Variants in MIGA1 observed in about 807,000 individuals in gnomAD.
MIGA1 encodes the protein mitoguardin 1, also known as family with sequence similarity 73, member A.
A neutral mutation model predicts 82.0 loss-of-function variants in MIGA1; 58 were observed. The observed-to-expected ratio is 0.71, with a 90% CI of 0.57 to 0.88. MIGA1 has a LOEUF of 0.88. MIGA1 is among the 40% of genes least tolerant of loss of function. MIGA1 has a pLI of 0.00. For synonymous variants in MIGA1, 249 were observed against 253.6 expected (o/e 0.98, Z 0.17); for missense variants, 751 against 749.1 (o/e 1.00, Z -0.03).
chr1:77,822,520 GAA>G (rs1179837904), intron 7 of MIGA1, among the ~76,000 whole-genome samples: 1 of 151,926 alleles, frequency 6.6e-6, no homozygotes, highest in Non-Finnish European at 1.5e-5. Flanking sequence ...GAATTTTTTT[GAA>G]AAAGAGGCTG....
intron 5 of MIGA1, among the ~76,000 whole-genome samples, chr1:77,812,111 T>A (rs538699536): frequency 6.6e-6 from 1 of 151,962 alleles, no homozygotes; most frequent in African/African-American, 2.4e-5. Flanking sequence ...CCCAGGAGTT[T>A]GAGACCAGCC....
chr1:77,790,359 C>T (rs1004590750), intron 2 of MIGA1, among the ~76,000 whole-genome samples: 6 of 152,300 alleles, frequency 3.9e-5, no homozygotes, highest in East Asian at 1.9e-4. Flanking sequence ...CTCCGCCTCC[C>T]GGGTTCAAGT....
chr1:77,855,694 C>G (rs928794368), intron 8 of MIGA1, among the ~76,000 whole-genome samples: 1 of 149,718 alleles, frequency 6.7e-6, no homozygotes, highest in African/African-American at 2.5e-5. Context: ...TGAGTCTCTG[C>G]TTGGTCGCTG....
At chr1:77,869,267 A>G (rs1316025027) in intron 14 of MIGA1, among the ~76,000 whole-genome samples, 1 of 138,450 alleles carries the variant, frequency 7.2e-6, no homozygotes, top group Non-Finnish European at 1.6e-5. Context: ...GGATAAGGTC[A>G]CAGATCAACA....
At chr1:77,802,496 C>T (rs1682925431) in intron 3 of MIGA1, among the ~76,000 whole-genome samples, 1 of 152,156 alleles carries the variant, frequency 6.6e-6, no homozygotes, top group Admixed American at 6.5e-5. Context: ...AAAACTTGTG[C>T]AGCATGGTGA....
intron 8 of MIGA1, among the ~76,000 whole-genome samples, chr1:77,843,706 C>CAT (rs1684712055): frequency 1.3e-5 from 2 of 152,076 alleles, no homozygotes; most frequent in South Asian, 4.1e-4. Flanking sequence ...CAACTTATAT[C>CAT]AAGAGTCTTA....
At chr1:77,779,782 A>G in intron 1 of MIGA1, 46 bp downstream of exon 1, 1 of 1,517,368 alleles carries the variant, frequency 6.6e-7, no homozygotes, top group Non-Finnish European at 8.8e-7. Context: ...GGCGGGAGGA[A>G]GCGGAGAGTT....
intron 15 of MIGA1, 136 bp downstream of exon 15, chr1:77,873,256 G>T: frequency 1.2e-6 from 1 of 823,768 alleles, no homozygotes; most frequent in Non-Finnish European, 1.9e-6. Flanking sequence ...CCTAAATTCA[G>T]CATTTAAATG....
At chr1:77,861,151 T>A (rs1339862726) in intron 11 of MIGA1, 73 bp from the exon 12 acceptor site, 1 of 949,954 alleles carries the variant, frequency 1.1e-6, no homozygotes, top group Non-Finnish European at 1.7e-6. Context: ...CTACCAGACT[T>A]ATTTGAAGAG....
chr1:77,825,915 G>C (rs1478318678), intron 7 of MIGA1, among the ~76,000 whole-genome samples: 2 of 152,152 alleles, frequency 1.3e-5, no homozygotes, highest in East Asian at 3.8e-4. Context: ...AGCAAGCCTT[G>C]ACTTTGCTTA....
At chr1:77,799,263 T>G (rs1682779291) in intron 2 of MIGA1, among the ~76,000 whole-genome samples, 1 of 152,312 alleles carries the variant, frequency 6.6e-6, no homozygotes, top group East Asian at 1.9e-4. Context: ...TTTGACATAA[T>G]GTACGGTATT....
intron 7 of MIGA1, among the ~76,000 whole-genome samples, chr1:77,841,807 C>CT (rs879895524): frequency 1.4e-3 from 204 of 142,714 alleles, no homozygotes; most frequent in African/African-American, 2.0e-3. Flanking sequence ...TTTTTTCTTT[C>CT]TTTTTTTTTT....
intron 2 of MIGA1, among the ~76,000 whole-genome samples, chr1:77,796,881 A>C (rs1682678697): frequency 6.6e-6 from 1 of 152,068 alleles, no homozygotes; most frequent in Admixed American, 6.6e-5. Context: ...ACAGCTGTGC[A>C]ATCATGTGTC....
Position 77,859,299 on chromosome 1 carries a change from C to G in MIGA1, c.1116-15C>G. 1 of 1,597,814 alleles carries G rather than the reference C, an allele frequency of 6.3e-7. No individual in the cohort carries two copies. The highest frequency in any genetic ancestry group is 1.1e-5 in the South Asian group (1 of 90,782). On this transcript the variant is annotated splice_polypyrimidine_tract_variant and intron_variant, in intron 9 of 15. Coordinates refer to ENST00000370791, the MANE Select transcript of MIGA1 (RefSeq NM_198549.4). ...GAATGTAGTTTAACAATTGTCTCCC[C>G]TGTTTATTACATAGAACTGAAATGT...
Position 77,781,052 on chromosome 1 carries a change from G to A in MIGA1, c.81+1316G>A, listed in dbSNP as rs1017970374. Among the ~76,000 whole-genome samples the A allele has an allele frequency of 7.3e-5, 11 of 151,714 alleles. No homozygotes were observed. The South Asian group carries it at 2.3e-3, about 32-fold the overall frequency. ...CTTCCGAGTAGCTGGGATTACAGGC[G>A]CCCGACATCACTCCTGGCTAATTTT... is the stretch of plus-strand genomic sequence containing the variant. On this transcript the variant is annotated intron_variant, in intron 1 of 15. Coordinates refer to ENST00000370791, the MANE Select transcript of MIGA1 (RefSeq NM_198549.4).
intron 2 of MIGA1, among the ~76,000 whole-genome samples, chr1:77,786,556 C>A (rs1171408067): frequency 6.6e-6 from 1 of 152,200 alleles, no homozygotes; most frequent in Non-Finnish European, 1.5e-5. Context: ...TTAGAGGTTT[C>A]TTCTGCTAGA....
intron 8 of MIGA1, chr1:77,847,625 G>T: frequency 6.5e-7 from 1 of 1,550,172 alleles, no homozygotes; most frequent in Non-Finnish European, 8.9e-7. Flanking sequence ...GAAAAAAGAG[G>T]GCTGCTGCGC....
chr1:77,847,419 C>T (rs1684885483), intron 8 of MIGA1: 4 of 1,387,012 alleles, frequency 2.9e-6, no homozygotes, highest in Non-Finnish European at 4.1e-6. Context: ...CAAGTATATT[C>T]ACAACTTGCT....
intron 14 of MIGA1, 94 bp from the exon 15 acceptor site, chr1:77,872,910 G>A (rs1400383705): frequency 2.0e-6 from 3 of 1,510,266 alleles, no homozygotes; most frequent in Non-Finnish European, 2.7e-6. Context: ...AACTCCCACT[G>A]GTCATATAAT....
Sources: allele counts gnomAD v4.1 joint callset (sites outside exome capture counted in the v4.1 genomes callset), GRCh38; gene constraint gnomAD v4.1.1; transcripts MANE v1.5; gene names NCBI Gene and HGNC (gene_info 2026-07-23, HGNC 2026-07-21).